Variants in MSANTD2 observed in about 807,000 individuals in gnomAD.
MSANTD2 encodes the protein Myb/SANT DNA binding domain containing 2, also known as myb/SANT-like DNA-binding domain-containing protein 2.
A neutral mutation model predicts 52.6 loss-of-function variants in MSANTD2; 19 were observed. The observed-to-expected ratio is 0.36, with a 90% CI of 0.25 to 0.53. The LOEUF is 0.53. Ranked by LOEUF, MSANTD2 falls within the 20% of genes least tolerant of loss-of-function variation. MSANTD2 has a pLI of 0.91. For synonymous variants in MSANTD2, 291 were observed against 289.7 expected (o/e 1.00, Z -0.04); for missense variants, 558 against 716.3 (o/e 0.78, Z 2.52).
intron 1 of MSANTD2, among the ~76,000 whole-genome samples, chr11:124,785,798 ATATG>A (rs1443832267): frequency 1.3e-5 from 2 of 151,142 alleles, no homozygotes; most frequent in Admixed American, 1.3e-4. Context: ...ATATTAAGAT[ATATG>A]TATCATATTT....
At chr11:124,786,095 CTTTTTTT>C (rs200399771) in intron 1 of MSANTD2, among the ~76,000 whole-genome samples, 15,640 of 114,480 alleles carry the variant, frequency 0.14, 873 homozygotes, top group East Asian at 0.2. Flanking sequence ...ATCATTTCTT[CTTTTTTT>C]TTTTTTTTTT....
At chr11:124,773,448 CT>C in intron 2 of MSANTD2, 1 of 163,812 alleles carries the variant, frequency 6.1e-6, no homozygotes, top group East Asian at 1.8e-4. Context: ...CTGCATATTG[CT>C]TTTTTCCCAA....
chr11:124,773,063 CA>C lies in MSANTD2; in HGVS notation c.767-10del, dbSNP rs1184165635. On this transcript the variant is annotated splice_polypyrimidine_tract_variant and intron_variant, in intron 2 of 3. Transcript: ENST00000374979. ...TGTGACAGGTATTTCATCTGAAAAG[CA>C]AAGATTTTGAAAAAAGTTATACTTT... The C allele has an allele frequency of 2.6e-6, 4 of 1,564,482 alleles. No homozygotes were observed. The highest frequency in any genetic ancestry group is 2.7e-5 in the African/African-American group (2 of 73,938).
chr11:124,783,524 G>A (rs1397913002), intron 1 of MSANTD2, among the ~76,000 whole-genome samples: 1 of 152,114 alleles, frequency 6.6e-6, no homozygotes, highest in African/African-American at 2.4e-5. Flanking sequence ...GGAGGCTGAG[G>A]CATGAGAATT....
intron 1 of MSANTD2, among the ~76,000 whole-genome samples, chr11:124,780,964 C>T (rs1944941428): frequency 1.3e-5 from 2 of 152,124 alleles, no homozygotes; most frequent in African/African-American, 4.8e-5. Context: ...GGGCGGATCA[C>T]CTGAGGTCAG....
chr11:124,790,511 C>T (rs530870144), intron 1 of MSANTD2: 16 of 152,316 alleles, frequency 1.1e-4, no homozygotes, highest in African/African-American at 2.9e-4. Context: ...AACAGGTCCT[C>T]GGTTTTGATG....
intron 1 of MSANTD2, among the ~76,000 whole-genome samples, chr11:124,776,895 A>G (rs1944767606): frequency 6.6e-6 from 1 of 152,202 alleles, no homozygotes; most frequent in South Asian, 2.1e-4. Context: ...ACTCTTTTTA[A>G]AAGTGTTTCT....
chr11:124,799,009 G>C (rs1380644927), intron 1 of MSANTD2, among the ~76,000 whole-genome samples: 1 of 152,044 alleles, frequency 6.6e-6, no homozygotes, highest in African/African-American at 2.4e-5. Context: ...TCTTAACCTG[G>C]CTAAGATTTC....
chr11:124,799,740 G>A, intron 1 of MSANTD2, 131 bp downstream of exon 1: 2 of 618,068 alleles, frequency 3.2e-6, no homozygotes, highest in Middle Eastern at 4.4e-4. Context: ...AGAAAAAGGC[G>A]GAGGAGATGC....
At chr11:124,784,642 C>T (rs190585287) in intron 1 of MSANTD2, 712 of 984,808 alleles carry the variant, frequency 7.2e-4, no homozygotes, top group Non-Finnish European at 8.1e-4. Flanking sequence ...TTATTCCTTT[C>T]GTCTGTTGAC....
Position 124,778,579 on chromosome 11 carries a change from T to C in MSANTD2, c.511-3605A>G, listed in dbSNP as rs535407889. Among the ~76,000 whole-genome samples the C allele has an allele frequency of 7.2e-5, 11 of 152,252 alleles. No homozygotes were observed. The East Asian group carries it at 1.5e-3, about 21-fold the overall frequency. ...GAAGAACTAAAGCATAGGTAACAAC[T>C]TGATCGGTGGTCAACCCAGAGGAGT... On this transcript the variant is annotated intron_variant, in intron 1 of 3. Coordinates refer to ENST00000374979, the MANE Select transcript of MSANTD2 (RefSeq NM_001308027.2).
At chr11:124,772,886 T>G in intron 3 of MSANTD2, 108 bp downstream of exon 3, 1 of 729,110 alleles carries the variant, frequency 1.4e-6, no homozygotes, top group Non-Finnish European at 2.4e-6. Flanking sequence ...CATGCCTCCT[T>G]GGTGAATGGC....
chr11:124,793,111 C>G (rs562362325), intron 1 of MSANTD2, among the ~76,000 whole-genome samples: 2 of 152,120 alleles, frequency 1.3e-5, no homozygotes, highest in South Asian at 4.1e-4. Flanking sequence ...TCCTGTCATT[C>G]CCCCTCTTAT....
intron 3 of MSANTD2, among the ~76,000 whole-genome samples, chr11:124,770,322 T>TTG (rs2135229664): frequency 6.6e-6 from 1 of 151,918 alleles, no homozygotes; most frequent in African/African-American, 2.4e-5. Context: ...TTGTTTTTTT[T>TTG]TTTTTGGAGA....
intron 1 of MSANTD2, among the ~76,000 whole-genome samples, chr11:124,785,797 T>G (rs1945140004): frequency 6.6e-6 from 1 of 151,140 alleles, no homozygotes; most frequent in South Asian, 2.1e-4. Context: ...TATATTAAGA[T>G]ATATGTATCA....
At position 124,766,910 on chromosome 11, in the gene MSANTD2, T is replaced by G; in HGVS notation, c.*266A>C. Reference sequence around the variant, plus strand: ...AGGGCTCTAAAATCCATTTAAAAATTGTTTTTCTGTTTTTAAAAAAGAAAT... The same window carrying G: ...AGGGCTCTAAAATCCATTTAAAAATGGTTTTTCTGTTTTTAAAAAAGAAAT... On this transcript the variant is annotated 3_prime_UTR_variant, in exon 4 of 4. Coordinates refer to ENST00000374979, the MANE Select transcript of MSANTD2 (RefSeq NM_001308027.2). 3.1e-6 allele frequency: 1 copy of G among 322,642 alleles called. No homozygotes were observed. The allele number at this position is 322,642 out of a possible 1,614,324, so 20.0% of individuals were successfully genotyped here.
chr11:124,795,960 T>C (rs1181326632), intron 1 of MSANTD2, among the ~76,000 whole-genome samples: 1 of 152,208 alleles, frequency 6.6e-6, no homozygotes, highest in Non-Finnish European at 1.5e-5. Context: ...AGTAAGGCAG[T>C]GTCAAACACA....
At chr11:124,781,824 T>C (rs1324686152) in intron 1 of MSANTD2, among the ~76,000 whole-genome samples, 1 of 152,116 alleles carries the variant, frequency 6.6e-6, no homozygotes, top group Non-Finnish European at 1.5e-5. Context: ...GGCTAATTTT[T>C]ATATTTTTAG....
intron 3 of MSANTD2, 128 bp from the exon 4 acceptor site, chr11:124,768,156 G>T: frequency 1.3e-6 from 1 of 790,224 alleles, no homozygotes; most frequent in South Asian, 2.0e-5. Flanking sequence ...CATGAAATGT[G>T]GCTGAGGTAT....
Sources: gnomAD v4.1 joint callset for allele counts (sites outside exome capture counted in the v4.1 genomes callset) on GRCh38, gnomAD v4.1.1 for gene constraint, MANE v1.5 for transcripts, NCBI Gene and HGNC (gene_info 2026-07-23, HGNC 2026-07-21) for gene names.